Variants in NCOA4 observed in about 807,000 individuals in gnomAD.
NCOA4 encodes nuclear receptor coactivator 4.
In NCOA4, 31 loss-of-function variants were observed where a neutral mutation model predicts 69.5. The observed-to-expected ratio is 0.45, with a 90% CI of 0.34 to 0.60. NCOA4 has a LOEUF of 0.60. Ranked by LOEUF, NCOA4 falls within the 20% of genes least tolerant of loss-of-function variation. The pLI is 0.02. For synonymous variants in NCOA4, 228 were observed against 252.4 expected (o/e 0.90, Z 0.92); for missense variants, 600 against 719.2 (o/e 0.83, Z 1.90).
Position 46,010,351 on chromosome 10 carries a change from T to TA in NCOA4, c.1569dup (p.Lys524Ter). Reference sequence around the variant, plus strand: ...CACCAGGAAGTATTCATGGGGCTTTTAAACTTCTGTTTGCCAGCTCTGTCT... The same window carrying TA: ...CACCAGGAAGTATTCATGGGGCTTTTAAAACTTCTGTTTGCCAGCTCTGTCT... On this transcript the variant is annotated frameshift_variant, in exon 8 of 10. Coordinates refer to ENST00000581486, the MANE Select transcript of NCOA4 (RefSeq NM_001145263.2). LOFTEE classifies it high-confidence loss of function. The TA allele has an allele frequency of 6.2e-7, 1 of 1,614,158 alleles. No homozygotes were observed. Among genetic ancestry groups the TA allele is most frequent in the South Asian group, 1.1e-5 (1 of 91,084 alleles).
In NCOA4 at chr10:46,006,108, A is replaced by T. The variant is rs1449145378; in HGVS notation, c.*484T>A. 4.6e-6 allele frequency: 1 copy of T among 217,938 alleles called. No homozygotes were observed. The highest frequency in any genetic ancestry group is 9.2e-6 in the Non-Finnish European group (1 of 108,478). 13.5% of individuals were successfully genotyped at this position (217,938 alleles called of 1,614,324 possible). On this transcript the variant is annotated 3_prime_UTR_variant, in exon 10 of 10. Transcript: ENST00000581486. ...AGGTTAATTTTTTTGTGCAAAATAC[A>T]CTATGTATTAATAGAACAGGAAAAT...
chr10:46,024,712 T>C (rs1564929184), intron 1 of NCOA4, among the ~76,000 whole-genome samples: 1 of 152,238 alleles, frequency 6.6e-6, no homozygotes, highest in African/African-American at 2.4e-5. Flanking sequence ...TGTGTCTTTA[T>C]AAAATGTTTA....
chr10:46,012,070 G>GAAAAAAAAA lies in NCOA4; in HGVS notation c.714+804_714+812dup, dbSNP rs71026286. 4.3e-3 allele frequency among the ~76,000 whole-genome samples: 192 copies of GAAAAAAAAA among 44,538 alleles called. 12 individuals are homozygous for GAAAAAAAAA. Among genetic ancestry groups the GAAAAAAAAA allele is most frequent in the Non-Finnish European group, 5.4e-3 (132 of 24,400 alleles). 29.2% of individuals were successfully genotyped at this position (44,538 alleles called of 152,430 possible). The stretch of plus-strand genomic sequence containing the variant: ...AGCAAGACTCGGTCTCAAAAAGAAA[G>GAAAAAAAAA]AAAAAAAAAAAAAAAAAAAAAAAAA... On this transcript the variant is annotated intron_variant, in intron 7 of 9. Transcript: ENST00000581486.
At position 46,010,397 on chromosome 10, in the gene NCOA4, G is replaced by C. The variant is rs79761167; in HGVS notation, c.1524C>G (p.Pro508=). ...LIRPPYKEGS[P]KEVPGTEDRA... ...TGTCTTCAGTACCAGGCACTTCCTT[G>C]GGACTTCCTTCTTTGTATGGGGGCC... The change falls in exon 8 of 10, where the codon CCC becomes CCG. Residue 508 remains proline, a synonymous_variant. Coordinates refer to ENST00000581486, the MANE Select transcript of NCOA4 (RefSeq NM_001145263.2). 3,320 of 1,614,112 alleles carry C rather than the reference G, an allele frequency of 2.1e-3. 25 individuals are homozygous for C. The highest frequency in any genetic ancestry group is 0.014 in the East Asian group (632 of 44,886).
chr10:46,011,135 G>C lies in NCOA4; in HGVS notation c.786C>G (p.Leu262=), dbSNP rs782301838. The C allele has an allele frequency of 6.2e-7, 1 of 1,612,994 alleles. No individual in the cohort carries two copies. The highest frequency in any genetic ancestry group is 8.5e-7 in the Non-Finnish European group (1 of 1,179,526). The change falls in exon 8 of 10, where the codon CTC becomes CTG. Residue 262 remains leucine, a synonymous_variant. Transcript: ENST00000581486. The part of the protein sequence containing the change: ...GNLKGLENWL[L]KSEKSSYQKC... ...TTTGATAACTTGATTTTTCACTCTT[G>C]AGGAGCCAGTTTTCTAAGCCCTTTA...
intron 4 of NCOA4, 36 bp downstream of exon 4, chr10:46,014,818 G>A: frequency 6.5e-7 from 1 of 1,544,288 alleles, no homozygotes. Context: ...CAAAGTTCAA[G>A]AGTCAAAAGT....
chr10:46,023,844 T>A (rs1051598377), intron 1 of NCOA4, among the ~76,000 whole-genome samples: 1 of 152,256 alleles, frequency 6.6e-6, no homozygotes, highest in Non-Finnish European at 1.5e-5. Flanking sequence ...TAGCTTTCCC[T>A]TTTCTCCAAG....
intron 1 of NCOA4, among the ~76,000 whole-genome samples, chr10:46,029,247 C>T (rs928290663): frequency 1.3e-5 from 2 of 152,064 alleles, no homozygotes; most frequent in South Asian, 4.1e-4. Flanking sequence ...TCCTTAGAGA[C>T]CCAAGGACAA....
rs1554921255 is a variant in NCOA4, at chr10:46,010,884, G to C, written c.1037C>G (p.Ser346Cys). 1.9e-6 allele frequency: 3 copies of C among 1,613,942 alleles called. No individual in the cohort carries two copies. The highest frequency in any genetic ancestry group is 8.5e-7 in the Non-Finnish European group (1 of 1,179,860). Residue 346 changes from serine to cysteine, a missense_variant, in exon 8 of 10, where the codon TCC (serine) becomes TGC (cysteine). Coordinates refer to ENST00000581486, the MANE Select transcript of NCOA4 (RefSeq NM_001145263.2). ...NVNDWLVKTD[S>C]CTNCQGNQPK... ...CTGGTTTCCCTGACAGTTGGTACAGGAGTCAGTCTTGACAAGCCAATCATT... is the reference window on the plus strand; with the variant it reads ...CTGGTTTCCCTGACAGTTGGTACAGCAGTCAGTCTTGACAAGCCAATCATT...
rs1028309508 is a variant in NCOA4 at position 46,012,433 on chromosome 10, A to T, written c.714+450T>A. Among the ~76,000 whole-genome samples, 14 of 152,302 alleles carry T rather than the reference A, an allele frequency of 9.2e-5. No individual in the cohort carries two copies. The East Asian group carries it at 2.7e-3, about 29-fold the overall frequency. On this transcript the variant is annotated intron_variant, in intron 7 of 9. Transcript: ENST00000581486. ...GTTTAGGGAATCCTTTTTTATATCCAGAAAAACTTGAATTTAAATTACAGC... is the reference window on the plus strand; with the variant it reads ...GTTTAGGGAATCCTTTTTTATATCCTGAAAAACTTGAATTTAAATTACAGC...
chr10:46,008,382 G>A, intron 9 of NCOA4, among the ~76,000 whole-genome samples: 1 of 152,302 alleles, frequency 6.6e-6, no homozygotes, highest in South Asian at 2.1e-4. Context: ...ACAGGAGTTT[G>A]GAAGAAACGG....
At chr10:46,029,188 A>T (rs1554926077) in intron 1 of NCOA4, among the ~76,000 whole-genome samples, 1 of 152,212 alleles carries the variant, frequency 6.6e-6, no homozygotes, top group Admixed American at 6.5e-5. Context: ...GTAATTGTAG[A>T]GATTTATTTA....
chr10:46,017,398 A>G (rs1451799256), intron 1 of NCOA4, among the ~76,000 whole-genome samples: 1 of 152,130 alleles, frequency 6.6e-6, no homozygotes, highest in Non-Finnish European at 1.5e-5. Flanking sequence ...TATAAAAATT[A>G]GCCACATGTG....
intron 3 of NCOA4, 60 bp from the exon 4 acceptor site, chr10:46,015,002 G>A (rs782133224): frequency 6.3e-7 from 1 of 1,587,278 alleles, no homozygotes; most frequent in Non-Finnish European, 8.6e-7. Context: ...ATATACTCAA[G>A]TTACCAAACA....
intron 5 of NCOA4, 44 bp downstream of exon 5, chr10:46,014,400 C>T (rs782590895): frequency 7.2e-7 from 1 of 1,385,374 alleles, no homozygotes; most frequent in Admixed American, 2.0e-5. Context: ...GCTGTGAGGC[C>T]ACAGATATGA....
chr10:46,008,654 T>C (rs1554920376), intron 9 of NCOA4, among the ~76,000 whole-genome samples: 1 of 152,218 alleles, frequency 6.6e-6, no homozygotes, highest in African/African-American at 2.4e-5. Flanking sequence ...ATTTAGAATA[T>C]TAAATAAACT....
chr10:46,017,518 G>A (rs1441972351), intron 1 of NCOA4, among the ~76,000 whole-genome samples: 1 of 152,064 alleles, frequency 6.6e-6, no homozygotes, highest in Non-Finnish European at 1.5e-5. Flanking sequence ...ACTCCACCCT[G>A]GGTAAGAGGG....
At chr10:46,017,305 G>A (rs868907010) in intron 1 of NCOA4, among the ~76,000 whole-genome samples, 1 of 152,126 alleles carries the variant, frequency 6.6e-6, no homozygotes, top group Non-Finnish European at 1.5e-5. Context: ...CTAGTACTTT[G>A]GGAGGCCAAG....
At chr10:46,017,592 A>G (rs1203554066) in intron 1 of NCOA4, among the ~76,000 whole-genome samples, 1 of 152,150 alleles carries the variant, frequency 6.6e-6, no homozygotes, top group African/African-American at 2.4e-5. Flanking sequence ...CATGTTTTAT[A>G]TAGAGAGAAT....
Sources: gnomAD v4.1 joint callset for allele counts (sites outside exome capture counted in the v4.1 genomes callset) on GRCh38, gnomAD v4.1.1 for gene constraint, MANE v1.5 for transcripts, NCBI Gene and HGNC (gene_info 2026-07-23, HGNC 2026-07-21) for gene names.